NEK10: variants seen among roughly 807,000 people sequenced by gnomAD.
NEK10 encodes NIMA related kinase 10.
Under a neutral mutation model 159.8 loss-of-function variants are expected in NEK10, and 122 were observed. That is an observed-to-expected ratio of 0.76 (90% CI 0.66 to 0.89). NEK10 has a LOEUF of 0.89. NEK10 is among the 40% of genes least tolerant of loss of function. The pLI is 0.00. For synonymous variants in NEK10, 466 were observed against 457.1 expected, an observed-to-expected ratio of 1.02 and a Z score of -0.25; for missense variants, 1,342 against 1,323.1, an observed-to-expected ratio of 1.01 and a Z score of -0.22.
chr3:27,298,484 C>A (rs1467098286), intron 13 of NEK10, among the ~76,000 whole-genome samples: 1 of 152,176 alleles, frequency 6.6e-6, no homozygotes, highest in Non-Finnish European at 1.5e-5. Context: ...TCAGGTATGT[C>A]TTTATCAGCA....
intron 1 of NEK10, among the ~76,000 whole-genome samples, chr3:27,355,796 T>A (rs914727477): frequency 2.0e-5 from 3 of 152,276 alleles, no homozygotes; most frequent in African/African-American, 7.2e-5. Context: ...CAACCATGAC[T>A]TTCACTGCTC....
At chr3:27,205,181 C>T (rs1387928622) in intron 23 of NEK10, among the ~76,000 whole-genome samples, 4 of 151,838 alleles carry the variant, frequency 2.6e-5, no homozygotes, top group Admixed American at 1.3e-4. Flanking sequence ...AGGAGAACTA[C>T]AAACCACTGC....
chr3:27,231,053 G>C (rs922102159), intron 23 of NEK10, among the ~76,000 whole-genome samples: 1 of 151,970 alleles, frequency 6.6e-6, no homozygotes, highest in Non-Finnish European at 1.5e-5. Flanking sequence ...AACAACTGCA[G>C]AATATACATT....
intron 23 of NEK10, among the ~76,000 whole-genome samples, chr3:27,212,577 C>T (rs987413795): frequency 6.6e-6 from 1 of 152,226 alleles, no homozygotes; most frequent in Admixed American, 6.5e-5. Context: ...GATTTGATGA[C>T]ATTTGAGGAC....
At chr3:27,273,667 A>G (rs945577560) in intron 22 of NEK10, among the ~76,000 whole-genome samples, 3 of 152,182 alleles carry the variant, frequency 2.0e-5, no homozygotes, top group Non-Finnish European at 4.4e-5. Flanking sequence ...CAATTTCGGG[A>G]AATGATTATT....
At chr3:27,328,439 G>A (rs941073717) in intron 5 of NEK10, among the ~76,000 whole-genome samples, 1 of 152,174 alleles carries the variant, frequency 6.6e-6, no homozygotes, top group African/African-American at 2.4e-5. Flanking sequence ...TTATTTGAGG[G>A]ATTGATCCAT....
intron 29 of NEK10, among the ~76,000 whole-genome samples, chr3:27,168,079 T>G (rs1946637838): frequency 6.6e-6 from 1 of 152,214 alleles, no homozygotes; most frequent in Non-Finnish European, 1.5e-5. Flanking sequence ...CTATTAATAT[T>G]TAGCCAGGGC....
intron 22 of NEK10, among the ~76,000 whole-genome samples, chr3:27,263,648 T>A (rs2040620384): frequency 6.6e-6 from 1 of 152,194 alleles, no homozygotes; most frequent in Non-Finnish European, 1.5e-5. Context: ...GGTGTGGCGT[T>A]TGCTAAGACC....
intron 23 of NEK10, among the ~76,000 whole-genome samples, chr3:27,232,586 A>G (rs2149216465): frequency 6.6e-6 from 1 of 152,272 alleles, no homozygotes; most frequent in Non-Finnish European, 1.5e-5. Context: ...TGGAACAAAA[A>G]AAGAGCCCAC....
intron 31 of NEK10, among the ~76,000 whole-genome samples, chr3:27,136,415 A>G (rs919216911): frequency 6.6e-6 from 1 of 152,018 alleles, no homozygotes; most frequent in East Asian, 1.9e-4. Context: ...CCCGGCCCCA[A>G]TGTTTAATTT....
chr3:27,212,134 C>A (rs1951062122), intron 23 of NEK10, among the ~76,000 whole-genome samples: 1 of 152,184 alleles, frequency 6.6e-6, no homozygotes, highest in African/African-American at 2.4e-5. Context: ...ACAGAGTCAA[C>A]AATATTTTCC....
At position 27,115,867 on chromosome 3, in the gene NEK10, A is replaced by C. The variant is rs1940338132; in HGVS notation, c.3299+73T>G. 2.7e-6 allele frequency: 3 copies of C among 1,095,298 alleles called. No homozygotes were observed. The South Asian group carries it at 4.2e-5, about 15-fold the overall frequency. 67.8% of individuals were successfully genotyped at this position (1,095,298 alleles called of 1,614,324 possible). ...AAAAAAAATCCCTCTGGAATAAAGG[A>C]TAAAGAAATTAGATCTAACATCTGA... On this transcript the variant is annotated intron_variant, in intron 35 of 35. Transcript: ENST00000691995.
At chr3:27,154,319 A>C (rs56104878) in intron 30 of NEK10, among the ~76,000 whole-genome samples, 1 of 152,180 alleles carries the variant, frequency 6.6e-6, no homozygotes, top group Admixed American at 6.5e-5. Context: ...AAAATTACCA[A>C]CAAAAAAAGG....
intron 26 of NEK10, among the ~76,000 whole-genome samples, chr3:27,180,191 T>A (rs1947930501): frequency 6.6e-6 from 1 of 150,830 alleles, no homozygotes; most frequent in Non-Finnish European, 1.5e-5. Context: ...AGGTCAGGAG[T>A]TTGAGACCAG....
intron 29 of NEK10, among the ~76,000 whole-genome samples, chr3:27,168,479 A>G (rs1016708560): frequency 2.0e-5 from 3 of 152,240 alleles, no homozygotes; most frequent in Non-Finnish European, 4.4e-5. Context: ...CGTTCTTTAA[A>G]GAATTATAAA....
At chr3:27,195,901 A>G (rs1949516540) in intron 25 of NEK10, among the ~76,000 whole-genome samples, 1 of 152,202 alleles carries the variant, frequency 6.6e-6, no homozygotes, top group African/African-American at 2.4e-5. Context: ...AATTTTATAG[A>G]GTGCCTACCA....
rs181967090 is a variant in NEK10 at position 27,167,449 on chromosome 3, A to G, written c.2831+4370T>C. Among the ~76,000 whole-genome samples the G allele has an allele frequency of 1.8e-4, 27 of 152,342 alleles. 1 individual carries two copies. In the East Asian group the frequency reaches 5.2e-3, roughly 29 times the overall value. On this transcript the variant is annotated intron_variant, in intron 29 of 35. Transcript: ENST00000691995. Reference sequence around the variant, plus strand: ...AGGTTCTTAAGATGGTCGTAAAACAATGACTAAATTTTACTAGGACCTGAG... The same window carrying G: ...AGGTTCTTAAGATGGTCGTAAAACAGTGACTAAATTTTACTAGGACCTGAG...
At chr3:27,196,958 G>T (rs1402398045) in intron 25 of NEK10, among the ~76,000 whole-genome samples, 1 of 152,054 alleles carries the variant, frequency 6.6e-6, no homozygotes, top group African/African-American at 2.4e-5. Context: ...TTTAAAGACA[G>T]GTTCGTCTCA....
At chr3:27,271,212 T>C (rs2041330956) in intron 22 of NEK10, among the ~76,000 whole-genome samples, 1 of 151,968 alleles carries the variant, frequency 6.6e-6, no homozygotes, top group Non-Finnish European at 1.5e-5. Context: ...TCTATCTGTC[T>C]AACCTCTCCA....
Sources: gnomAD v4.1 joint callset for allele counts (sites outside exome capture counted in the v4.1 genomes callset) on GRCh38, gnomAD v4.1.1 for gene constraint, MANE v1.5 for transcripts, NCBI Gene and HGNC (gene_info 2026-07-23, HGNC 2026-07-21) for gene names.